SYNPO2: variants seen among roughly 807,000 people sequenced by gnomAD.
The protein encoded by SYNPO2 is synaptopodin 2.
Under a neutral mutation model 85.0 loss-of-function variants are expected in SYNPO2, and 56 were observed. The observed-to-expected ratio is 0.66, with a 90% confidence interval of 0.53 to 0.82. The LOEUF (loss-of-function observed/expected upper bound fraction) is 0.82, where lower values mean the gene tolerates loss of function less well. SYNPO2 is among the 40% of genes least tolerant of loss of function. SYNPO2 has a pLI of 0.00. For missense variants in SYNPO2, 1,575 were observed against 1,534.2 expected (o/e 1.03, Z -0.44); for synonymous variants, 602 against 591.1 (o/e 1.02, Z -0.27).
chr4:118,905,456 G>GTGTC (rs1199508786), intron 1 of SYNPO2, among the ~76,000 whole-genome samples: 2 of 151,860 alleles, frequency 1.3e-5, no homozygotes, highest in Non-Finnish European at 2.9e-5. Flanking sequence ...GTGTGTGTGT[G>GTGTC]TGTGTCTGTG....
intron 1 of SYNPO2, among the ~76,000 whole-genome samples, chr4:118,936,659 G>A (rs369608624): frequency 1.3e-5 from 2 of 151,978 alleles, no homozygotes; most frequent in Non-Finnish European, 2.9e-5. Flanking sequence ...TGTTCTATGG[G>A]GGTAGACAGC....
chr4:118,997,239 C>CAAAAAAAAAAAAAAAAA lies in SYNPO2; in HGVS notation c.106-26189_106-26173dup, dbSNP rs1434428754. On this transcript the variant is annotated intron_variant, in intron 1 of 4. Transcript: ENST00000307142. ...TGGGCGACAGAGCGAGACTCCGTCT[C>CAAAAAAAAAAAAAAAAA]AAAAAAAAAAAAAAAAAATTAAAAG... Among the ~76,000 whole-genome samples the CAAAAAAAAAAAAAAAAA allele has an allele frequency of 1.1e-3, 73 of 65,118 alleles. 2 individuals carry two copies. Among genetic ancestry groups the CAAAAAAAAAAAAAAAAA allele is most frequent in the East Asian group, 2.6e-3 (6 of 2,344 alleles). The allele number at this position is 65,118 out of a possible 152,430, so 42.7% of individuals were successfully genotyped here. A position where few individuals can be genotyped will look rare whatever the true frequency, so the allele number is the denominator to read the frequency against.
In SYNPO2 at chr4:119,030,312, A is replaced by G. The variant is rs1303742758; in HGVS notation, c.1537A>G (p.Lys513Glu). The change falls in exon 4 of 5, where the codon AAG becomes GAG. Residue 513 changes from lysine to glutamate, a missense_variant. Physicochemically the swap from Lys to Glu is moderately conservative, Grantham distance 56. Coordinates refer to ENST00000307142, the MANE Select transcript of SYNPO2 (RefSeq NM_133477.3). ...GATCACAGCCCAAAAAGAAGAGGAC[A>G]AGGTAGGTGGAACGCCAAGCAGAGA... ...DQITAQKEED[K>E]VGGTPSREQD... 2 of 1,613,952 alleles carry G rather than the reference A, an allele frequency of 1.2e-6. No homozygotes were observed. The highest frequency in any genetic ancestry group is 1.3e-5 in the African/African-American group (1 of 74,892).
At chr4:119,001,209 A>G (rs1005450356) in intron 1 of SYNPO2, among the ~76,000 whole-genome samples, 1 of 152,218 alleles carries the variant, frequency 6.6e-6, no homozygotes, top group African/African-American at 2.4e-5. Context: ...ATACATAGTT[A>G]AAAGAAGAAT....
chr4:118,934,455 T>C (rs975577119), intron 1 of SYNPO2, among the ~76,000 whole-genome samples: 1 of 152,172 alleles, frequency 6.6e-6, no homozygotes, highest in African/African-American at 2.4e-5. Flanking sequence ...GAAAGCATAT[T>C]AGTCCCAGAA....
intron 1 of SYNPO2, among the ~76,000 whole-genome samples, chr4:119,002,868 T>C (rs201242386): frequency 4.8e-5 from 2 of 41,516 alleles, no homozygotes; most frequent in African/African-American, 1.6e-4. Context: ...AGGCTATTGA[T>C]TTGAGTATAT....
chr4:118,880,356 C>T (rs1732059568), intron 1 of SYNPO2, among the ~76,000 whole-genome samples: 1 of 152,090 alleles, frequency 6.6e-6, no homozygotes, highest in Non-Finnish European at 1.5e-5. Context: ...ATCTCCAGTA[C>T]CTCAAAGCTC....
intron 1 of SYNPO2, among the ~76,000 whole-genome samples, chr4:118,950,692 G>A (rs968324996): frequency 6.6e-6 from 1 of 152,166 alleles, no homozygotes; most frequent in African/African-American, 2.4e-5. Flanking sequence ...GTGCTCACAG[G>A]CAAGTGGACT....
In SYNPO2 at chr4:118,933,176, TA is replaced by T. The variant is rs532181214; in HGVS notation, c.105+44037del. ...TTCCTTTACAAATATGCTGGCAAAG[TA>T]ATATTTATTATAGGTTTCCGAAGTT... On this transcript the variant is annotated intron_variant, in intron 1 of 4. Transcript: ENST00000307142. 1.5e-3 allele frequency among the ~76,000 whole-genome samples: 221 copies of T among 152,336 alleles called. 1 individual carries two copies. The highest frequency in any genetic ancestry group is 2.7e-3 in the Non-Finnish European group (181 of 68,026).
In SYNPO2 at chr4:118,851,084, A is replaced by G. The variant is rs1731412589; in HGVS notation, c.12+144A>G. 1.8e-5 allele frequency: 7 copies of G among 397,446 alleles called. No homozygotes were observed. The Middle Eastern group carries it at 1.9e-3, about 108-fold the overall frequency. The allele number at this position is 397,446 out of a possible 1,614,324, so 24.6% of individuals were successfully genotyped here. ...TTTCATCTTTTCAAAAGGAGTTTTA[A>G]AATCCTACTCACTTTTCAGAGTCTT... On this transcript the variant is annotated intron_variant, in intron 1 of 4. Coordinates refer to the SYNPO2 transcript ENST00000610556.
At chr4:119,041,232 T>C (rs568358784) in intron 4 of SYNPO2, among the ~76,000 whole-genome samples, 17 of 152,352 alleles carry the variant, frequency 1.1e-4, no homozygotes, top group African/African-American at 4.1e-4. Flanking sequence ...TGCAATTGAA[T>C]TGATTTAGTC....
chr4:118,864,956 T>C lies in SYNPO2; in HGVS notation c.12+14016T>C, dbSNP rs555111749. ...TATTACTGGCTCTATTAGTAAATAA[T>C]TGAAAAGCAAATATGAATATCAAGG... On this transcript the variant is annotated intron_variant, in intron 1 of 4. Coordinates refer to the SYNPO2 transcript ENST00000610556. 2.0e-5 allele frequency among the ~76,000 whole-genome samples: 3 copies of C among 152,138 alleles called. No individual in the cohort carries two copies. In the South Asian group the frequency reaches 6.2e-4, roughly 32 times the overall value.
intron 1 of SYNPO2, among the ~76,000 whole-genome samples, chr4:118,990,859 C>T (rs1210347039): frequency 6.6e-6 from 1 of 152,128 alleles, no homozygotes; most frequent in Non-Finnish European, 1.5e-5. Context: ...ATCTGCCCGC[C>T]TCGGCCTCCC....
chr4:118,944,674 A>G (rs375376007), intron 1 of SYNPO2, among the ~76,000 whole-genome samples: 1 of 152,216 alleles, frequency 6.6e-6, no homozygotes, highest in African/African-American at 2.4e-5. Context: ...ACTTTAATCC[A>G]TCATGCTTAG....
chr4:118,967,895 C>T (rs1220002550), intron 1 of SYNPO2, among the ~76,000 whole-genome samples: 1 of 149,470 alleles, frequency 6.7e-6, no homozygotes, highest in Non-Finnish European at 1.5e-5. Context: ...AAAACATGGA[C>T]CTATCCATGC....
intron 4 of SYNPO2, chr4:119,034,116 T>C (rs1738397850): frequency 2.0e-6 from 2 of 985,368 alleles, no homozygotes. Context: ...TTGTTTGTAT[T>C]ACTTGTTCCC....
At chr4:118,971,906 G>C (rs965462902) in intron 1 of SYNPO2, among the ~76,000 whole-genome samples, 2 of 152,182 alleles carry the variant, frequency 1.3e-5, no homozygotes, top group Non-Finnish European at 2.9e-5. Flanking sequence ...TTGAGAAAGT[G>C]TAAGAAGGAA....
chr4:119,012,938 G>A (rs144861280), intron 1 of SYNPO2, among the ~76,000 whole-genome samples: 1 of 152,176 alleles, frequency 6.6e-6, no homozygotes, highest in East Asian at 1.9e-4. Context: ...ATTGCCTTCA[G>A]TGGAACTTCC....
intron 1 of SYNPO2, among the ~76,000 whole-genome samples, chr4:118,878,100 C>A (rs1731961143): frequency 6.6e-6 from 1 of 152,136 alleles, no homozygotes; most frequent in Non-Finnish European, 1.5e-5. Context: ...GCAAACCACA[C>A]AGGAACAGAA....
Sources: gnomAD v4.1 joint callset for allele counts (sites outside exome capture counted in the v4.1 genomes callset) on GRCh38, gnomAD v4.1.1 for gene constraint, MANE v1.5 for transcripts, NCBI Gene and HGNC (gene_info 2026-07-23, HGNC 2026-07-21) for gene names.